Variants in GC observed in about 807,000 individuals in gnomAD.
The protein encoded by GC is vitamin D-binding protein.
GC carries 43 observed loss-of-function variants against 56.7 expected under a neutral mutation model. The ratio of observed to expected loss-of-function variants is 0.76; its 90% CI spans 0.59 to 0.98. The LOEUF (loss-of-function observed/expected upper bound fraction) is 0.98. Ranked by LOEUF, GC falls within the 50% of genes least tolerant of loss-of-function variation. GC has a pLI of 0.00. For synonymous variants in GC, 216 were observed against 202.7 expected, an observed-to-expected ratio of 1.07 and a Z score of -0.56; for missense variants, 529 against 545.9, an observed-to-expected ratio of 0.97 and a Z score of 0.31.
intron 12 of GC, among the ~76,000 whole-genome samples, chr4:71,744,980 AG>A (rs1741314183): frequency 6.6e-6 from 1 of 152,240 alleles, no homozygotes; most frequent in African/African-American, 2.4e-5. Flanking sequence ...TTTGTATACC[AG>A]AGCACAAAAA....
intron 1 of GC, among the ~76,000 whole-genome samples, chr4:71,800,622 G>T (rs113876500): frequency 0.11 from 16,205 of 152,170 alleles, 1,112 homozygotes; most frequent in East Asian, 0.23. Context: ...GGGTCAAACA[G>T]TATTTCTGGT....
At chr4:71,770,478 A>G (rs1312497158) in intron 1 of GC, among the ~76,000 whole-genome samples, 1 of 152,198 alleles carries the variant, frequency 6.6e-6, no homozygotes, top group Non-Finnish European at 1.5e-5. Context: ...GAGAGATCAC[A>G]GAAGAACACA....
At chr4:71,788,717 GA>G (rs1207665883), upstream of GC, among the ~76,000 whole-genome samples, 3 of 150,020 alleles carry the variant, frequency 2.0e-5, no homozygotes, top group Non-Finnish European at 3.0e-5. Flanking sequence ...GAATGAGAAA[GA>G]AAGAAAGAAA....
chr4:71,787,720 G>A (rs185395987), upstream of GC, among the ~76,000 whole-genome samples: 89 of 152,002 alleles, frequency 5.9e-4, 1 homozygote, highest in African/African-American at 2.1e-3. Context: ...GGTGCTGGCA[G>A]AGGCGTGAGA....
Position 71,754,477 on chromosome 4 carries a change from AAAG to A in GC, c.1193_1195del (p.Ser398del). 1 of 1,584,808 alleles carries A rather than the reference AAAG, an allele frequency of 6.3e-7. No homozygotes were observed. The highest frequency in any genetic ancestry group is 8.7e-7 in the Non-Finnish European group (1 of 1,154,368). On this transcript the variant is annotated inframe_deletion, in exon 10 of 13. Transcript: ENST00000273951. ...ACATAGTTCTTGTCCCTTGTCAATG[AAAG>A]AAGATAGTTCCTTCTTTAGTAGAGG...
At chr4:71,798,812 G>A (rs1006107826) in intron 1 of GC, among the ~76,000 whole-genome samples, 1 of 152,158 alleles carries the variant, frequency 6.6e-6, no homozygotes, top group African/African-American at 2.4e-5. Flanking sequence ...GAGTGTCAAT[G>A]TCTTTTAGCA....
At chr4:71,745,880 G>A (rs926377729) in intron 12 of GC, among the ~76,000 whole-genome samples, 2 of 151,868 alleles carry the variant, frequency 1.3e-5, no homozygotes, top group Non-Finnish European at 2.9e-5. Flanking sequence ...GTTCTTTACG[G>A]TATCATTATG....
intron 4 of GC, 58 bp from the exon 5 acceptor site, chr4:71,763,994 T>C (rs1365006327): frequency 3.6e-6 from 5 of 1,372,436 alleles, no homozygotes; most frequent in African/African-American, 1.4e-5. Flanking sequence ...AATCTACTTT[T>C]TTATTTGAGA....
chr4:71,774,250 AAC>A (rs1742436528), intron 1 of GC, among the ~76,000 whole-genome samples: 1 of 152,058 alleles, frequency 6.6e-6, no homozygotes, highest in Admixed American at 6.6e-5. Flanking sequence ...TGAAAATTCA[AAC>A]ACAAACGAAA....
chr4:71,763,142 G>A (rs1195265425), intron 6 of GC, among the ~76,000 whole-genome samples: 2 of 151,944 alleles, frequency 1.3e-5, no homozygotes, highest in East Asian at 3.9e-4. Flanking sequence ...TATGAACACT[G>A]AAAAAATATT....
At chr4:71,804,452 G>A (rs932862553), upstream of GC, among the ~76,000 whole-genome samples, 5 of 152,104 alleles carry the variant, frequency 3.3e-5, no homozygotes, top group African/African-American at 7.2e-5. Flanking sequence ...ATTAACAGAC[G>A]GACCCCTCCC....
intron 3 of GC, among the ~76,000 whole-genome samples, chr4:71,765,886 A>G (rs1219904060): frequency 6.6e-6 from 1 of 152,170 alleles, no homozygotes; most frequent in African/African-American, 2.4e-5. Context: ...ACTTTGAATA[A>G]CAAATGGACA....
chr4:71,749,961 A>C (rs1281102361), intron 11 of GC, among the ~76,000 whole-genome samples: 1 of 152,188 alleles, frequency 6.6e-6, no homozygotes, highest in Non-Finnish European at 1.5e-5. Context: ...CTAAGGTTAT[A>C]AGGAAGAAAT....
In GC at chr4:71,768,950, C is replaced by T. The variant is rs566085589; in HGVS notation, c.128+381G>A. Among the ~76,000 whole-genome samples the T allele has an allele frequency of 8.5e-5, 13 of 152,316 alleles. No homozygotes were observed. In the South Asian group the frequency reaches 2.7e-3, roughly 32 times the overall value. On this transcript the variant is annotated intron_variant, in intron 2 of 12. Transcript: ENST00000273951. ...GCAGTAGAAATTGAACTTAGGGCTT[C>T]CATCAAACCAATCTGGTGTTGTCCT...
At chr4:71,778,912 A>ATTATTAT (rs1742588030) in intron 1 of GC, among the ~76,000 whole-genome samples, 2 of 147,510 alleles carry the variant, frequency 1.4e-5, no homozygotes, top group Non-Finnish European at 3.0e-5. Context: ...TATTATTATT[A>ATTATTAT]TTATTATTAT....
chr4:71,777,371 TAA>T, intron 1 of GC, among the ~76,000 whole-genome samples: 1 of 151,818 alleles, frequency 6.6e-6, no homozygotes, highest in African/African-American at 2.4e-5. Context: ...TTAGTAAGGC[TAA>T]AGAGAGCCTT....
chr4:71,761,613 C>A (rs1303841476), intron 6 of GC, among the ~76,000 whole-genome samples: 1 of 152,178 alleles, frequency 6.6e-6, no homozygotes, highest in Non-Finnish European at 1.5e-5. Context: ...CATCACAGGC[C>A]TGGAGACCTA....
intron 1 of GC, among the ~76,000 whole-genome samples, chr4:71,792,648 G>A (rs1385995540): frequency 6.6e-6 from 1 of 152,106 alleles, no homozygotes; most frequent in Non-Finnish European, 1.5e-5. Flanking sequence ...TTGCTGTGCA[G>A]AAGCTCTTTA....
At chr4:71,747,626 G>A (rs1258652792) in intron 11 of GC, among the ~76,000 whole-genome samples, 1 of 152,084 alleles carries the variant, frequency 6.6e-6, no homozygotes, top group Non-Finnish European at 1.5e-5. Flanking sequence ...ACAGTCATAT[G>A]GTACCATCAA....
Sources: gnomAD v4.1 joint callset for allele counts (sites outside exome capture counted in the v4.1 genomes callset) on GRCh38, gnomAD v4.1.1 for gene constraint, MANE v1.5 for transcripts, NCBI Gene and HGNC (gene_info 2026-07-23, HGNC 2026-07-21) for gene names.